DNAJC10: variants seen among roughly 807,000 people sequenced by gnomAD.
DNAJC10 encodes DnaJ heat shock protein family (Hsp40) member C10, also known as endoplasmic reticulum disulfide reductase DNAJC10.
DNAJC10 carries 101 observed loss-of-function variants against 115.0 expected under a neutral mutation model. The observed-to-expected ratio is 0.88, with a 90% CI of 0.75 to 1.04. DNAJC10 has a LOEUF of 1.04. DNAJC10 is among the 50% of genes least tolerant of loss of function. The probability of loss-of-function intolerance (pLI) is 0.00; values close to 1 mark genes in which losing one functional copy is unlikely to be tolerated. For missense variants in DNAJC10, 981 were observed against 928.8 expected, an observed-to-expected ratio of 1.06 and a Z score of -0.73; for synonymous variants, 307 against 301.5, an observed-to-expected ratio of 1.02 and a Z score of -0.19.
intron 14 of DNAJC10, among the ~76,000 whole-genome samples, chr2:182,751,130 C>CTTTTTTTT (rs773393648): frequency 1.5e-4 from 13 of 85,180 alleles, no homozygotes; most frequent in Admixed American, 3.5e-4. Context: ...GAGATTTTGA[C>CTTTTTTTT]TTTTTTTTTT....
At chr2:182,762,876 T>A in intron 22 of DNAJC10, 75 bp downstream of exon 22, 1 of 1,470,636 alleles carries the variant, frequency 6.8e-7, no homozygotes, top group Non-Finnish European at 9.1e-7. Flanking sequence ...TGAGTAATGT[T>A]TTTTTTCTGT....
chr2:182,757,958 G>T (rs1246072203), intron 19 of DNAJC10, 133 bp downstream of exon 19: 1 of 556,306 alleles, frequency 1.8e-6, no homozygotes, highest in African/African-American at 1.9e-5. Flanking sequence ...AAGATAGTTT[G>T]TTAATGAACA....
intron 22 of DNAJC10, among the ~76,000 whole-genome samples, chr2:182,766,232 C>G (rs933124190): frequency 2.6e-5 from 4 of 152,062 alleles, no homozygotes; most frequent in Middle Eastern, 3.2e-3. Flanking sequence ...GCTGGACTCG[C>G]AAAAAAGCAG....
chr2:182,725,644 A>T (rs1351366192), intron 5 of DNAJC10, among the ~76,000 whole-genome samples: 3 of 152,176 alleles, frequency 2.0e-5, no homozygotes, highest in Non-Finnish European at 2.9e-5. Flanking sequence ...AGAGAGATGA[A>T]GAAGCTGCAG....
At chr2:182,756,599 C>G (rs1428517762) in intron 18 of DNAJC10, 130 bp downstream of exon 18, 9 of 866,622 alleles carry the variant, frequency 1.0e-5, no homozygotes, top group Non-Finnish European at 1.6e-5. Context: ...GATCATACCA[C>G]TTTGATTCCA....
Position 182,717,922 on chromosome 2 carries a change from G to T in DNAJC10, c.-146-19G>T. The T allele has an allele frequency of 2.0e-6, 1 of 498,024 alleles. No homozygotes were observed. Among genetic ancestry groups the T allele is most frequent in the Middle Eastern group, 5.3e-4 (1 of 1,886 alleles). The allele number at this position is 498,024 out of a possible 1,614,324, so 30.9% of individuals were successfully genotyped here. ...GTTTAGTTCAAAATGTATTTTAACT[G>T]CCTGCTTTTCTTTCTTAGATTAATA... On this transcript the variant is annotated intron_variant, in intron 2 of 23. Coordinates refer to ENST00000264065, the MANE Select transcript of DNAJC10 (RefSeq NM_018981.4).
At chr2:182,729,098 G>A in intron 7 of DNAJC10, 104 bp downstream of exon 7, 2 of 1,189,988 alleles carry the variant, frequency 1.7e-6, no homozygotes, top group South Asian at 2.8e-5. Flanking sequence ...TTTAAGTCTT[G>A]TTTTACAAGG....
At chr2:182,733,153 A>C (rs1185332646) in intron 10 of DNAJC10, among the ~76,000 whole-genome samples, 2 of 152,032 alleles carry the variant, frequency 1.3e-5, no homozygotes, top group Admixed American at 6.5e-5. Context: ...TAAAATCTCT[A>C]CCATCCATCA....
chr2:182,774,835 C>T (rs936943188), intron 22 of DNAJC10, among the ~76,000 whole-genome samples: 2 of 152,242 alleles, frequency 1.3e-5, no homozygotes, highest in African/African-American at 4.8e-5. Flanking sequence ...CAATCCCCGC[C>T]CTGGCGTCTT....
intron 16 of DNAJC10, among the ~76,000 whole-genome samples, chr2:182,753,511 A>G (rs1034276817): frequency 2.0e-5 from 3 of 151,814 alleles, no homozygotes; most frequent in Non-Finnish European, 4.4e-5. Context: ...TTTGAAAGAA[A>G]TGCCAACCAA....
At chr2:182,734,584 T>C (rs933138732) in intron 10 of DNAJC10, among the ~76,000 whole-genome samples, 1 of 151,832 alleles carries the variant, frequency 6.6e-6, no homozygotes. Flanking sequence ...GGGTCCAATT[T>C]GTTAGCTATG....
intron 11 of DNAJC10, chr2:182,739,768 C>G (rs1438377910): frequency 5.0e-6 from 5 of 999,600 alleles, no homozygotes; most frequent in East Asian, 1.1e-4. Flanking sequence ...ATGAAAACCT[C>G]TATAATGAGC....
Position 182,788,855 on chromosome 2 carries a change from T to G in DNAJC10, c.*11723T>G, listed in dbSNP as rs1231800183. The G allele has an allele frequency of 2.2e-6, 1 of 455,362 alleles. No individual in the cohort carries two copies. Among genetic ancestry groups the G allele is most frequent in the Non-Finnish European group, 4.4e-6 (1 of 226,532 alleles). The allele number at this position is 455,362 out of a possible 1,614,324, so 28.2% of individuals were successfully genotyped here. ...TTTTTGGGGAAGAGAGATTTCACGTTAAAGGTCATTTTGTGTCTTCTTTAA... is the reference window on the plus strand; with the variant it reads ...TTTTTGGGGAAGAGAGATTTCACGTGAAAGGTCATTTTGTGTCTTCTTTAA... On this transcript the variant is annotated 3_prime_UTR_variant, in exon 24 of 24. Coordinates refer to ENST00000264065, the MANE Select transcript of DNAJC10 (RefSeq NM_018981.4).
intron 14 of DNAJC10, among the ~76,000 whole-genome samples, chr2:182,745,298 C>T (rs1693833116): frequency 6.6e-6 from 1 of 152,220 alleles, no homozygotes; most frequent in Admixed American, 6.5e-5. Flanking sequence ...GCTGCCCCTC[C>T]AGATAGTCTT....
intron 8 of DNAJC10, 23 bp downstream of exon 8, chr2:182,729,964 C>G (rs776707863): frequency 1.3e-6 from 2 of 1,495,408 alleles, no homozygotes; most frequent in Non-Finnish European, 9.2e-7. Flanking sequence ...TCTTAATTTG[C>G]TTGATTTTCA....
chr2:182,777,751 A>C lies in DNAJC10; in HGVS notation c.*619A>C, dbSNP rs778919339. On this transcript the variant is annotated 3_prime_UTR_variant, in exon 24 of 24. Transcript: ENST00000264065. ...ACAAACCCTGTTATGCTGTATTATT[A>C]TGAGGAGATTCTTCATTGTTTTCTT... 6.6e-6 allele frequency: 1 copy of C among 152,324 alleles called. No individual in the cohort carries two copies. Among genetic ancestry groups the C allele is most frequent in the South Asian group, 2.1e-4 (1 of 4,828 alleles). 9.4% of individuals were successfully genotyped at this position (152,324 alleles called of 1,614,324 possible).
At chr2:182,741,803 G>A (rs1489386609) in intron 13 of DNAJC10, among the ~76,000 whole-genome samples, 1 of 152,054 alleles carries the variant, frequency 6.6e-6, no homozygotes. Context: ...TTTTGTGAGT[G>A]CCCATATGCA....
At chr2:182,754,172 G>A (rs981854247) in intron 16 of DNAJC10, among the ~76,000 whole-genome samples, 6 of 152,152 alleles carry the variant, frequency 3.9e-5, no homozygotes, top group Non-Finnish European at 7.4e-5. Flanking sequence ...TCAACACATA[G>A]TTAAATTTTA....
At chr2:182,732,589 A>G in intron 10 of DNAJC10, 47 bp downstream of exon 10, 1 of 1,562,312 alleles carries the variant, frequency 6.4e-7, no homozygotes, top group Non-Finnish European at 8.8e-7. Context: ...GTAAAGAAAC[A>G]CATTTAGAAA....
Sources: allele counts gnomAD v4.1 joint callset (sites outside exome capture counted in the v4.1 genomes callset), GRCh38; gene constraint gnomAD v4.1.1; transcripts MANE v1.5; gene names NCBI Gene and HGNC (gene_info 2026-07-23, HGNC 2026-07-21).